The following BCAS1 variants were observed in gnomAD, a reference collection of about 807,000 sequenced individuals.
BCAS1 encodes the protein breast carcinoma-amplified sequence 1.
BCAS1 carries 46 observed loss-of-function variants against 65.4 expected under a neutral mutation model. That is an observed-to-expected ratio of 0.70 (90% confidence interval 0.55 to 0.90). The LOEUF (loss-of-function observed/expected upper bound fraction) is 0.90. Among genes scored for constraint, BCAS1 ranks in the 40% least tolerant of loss-of-function variants. The pLI is 0.00. For missense variants in BCAS1, 793 were observed against 771.2 expected, an observed-to-expected ratio of 1.03 and a Z score of -0.33; for synonymous variants, 298 against 293.5, an observed-to-expected ratio of 1.02 and a Z score of -0.16.
chr20:54,066,295 A>G (rs926953202), intron 1 of BCAS1, among the ~76,000 whole-genome samples: 44 of 152,164 alleles, frequency 2.9e-4, no homozygotes, highest in Middle Eastern at 3.4e-3. Context: ...GATGGTCTCG[A>G]TCTCCTGACC....
intron 1 of BCAS1, among the ~76,000 whole-genome samples, chr20:54,068,013 G>A (rs2092466015): frequency 6.6e-6 from 1 of 152,218 alleles, no homozygotes; most frequent in Non-Finnish European, 1.5e-5. Context: ...AGCTCCATGT[G>A]TGTGCCCGCA....
intron 3 of BCAS1, among the ~76,000 whole-genome samples, chr20:54,055,168 AC>A (rs2092277929): frequency 1.3e-5 from 2 of 152,152 alleles, no homozygotes; most frequent in South Asian, 4.1e-4. Flanking sequence ...AAAACAAACA[AC>A]CCGATTAAAA....
chr20:54,068,149 G>C (rs971992504), intron 1 of BCAS1, among the ~76,000 whole-genome samples: 1 of 152,200 alleles, frequency 6.6e-6, no homozygotes, highest in Non-Finnish European at 1.5e-5. Flanking sequence ...CCTGATTCCT[G>C]GTATGGGACT....
chr20:54,029,308 G>A, intron 3 of BCAS1: 2 of 847,290 alleles, frequency 2.4e-6, no homozygotes, highest in Non-Finnish European at 1.4e-6. Context: ...CAACTGGGAG[G>A]CAGTACAGCA....
chr20:53,975,413 T>A lies in BCAS1; in HGVS notation c.1293A>T (p.Ser431=), dbSNP rs1222396589. ...CATTCTCCTCCGCACCTGTGGGGAC[T>A]GAGTCCTCTTTAACTGACTAAAGGA... ...LFWKKSVKED[S]VPTGAEENVV... Residue 431 remains serine (S), a synonymous_variant, in exon 9 of 13, where the codon TCA becomes TCT. Coordinates refer to ENST00000688948, the MANE Select transcript of BCAS1 (RefSeq NM_001366298.2). 1 of 1,612,328 alleles carries A rather than the reference T, an allele frequency of 6.2e-7. No homozygotes were observed. Among genetic ancestry groups the A allele is most frequent in the Non-Finnish European group, 8.5e-7 (1 of 1,178,838 alleles).
chr20:54,027,603 C>T (rs1285864277), intron 4 of BCAS1, among the ~76,000 whole-genome samples: 1 of 152,100 alleles, frequency 6.6e-6, no homozygotes, highest in Non-Finnish European at 1.5e-5. Flanking sequence ...ATGCCCTAAA[C>T]CTATAATGTA....
chr20:54,066,160 T>C (rs552984069), intron 1 of BCAS1, among the ~76,000 whole-genome samples: 29 of 151,678 alleles, frequency 1.9e-4, no homozygotes, highest in Admixed American at 2.6e-4. Context: ...GCAAGCTCCG[T>C]CTCCCGGGTT....
chr20:54,049,891 T>A (rs2092180148), intron 3 of BCAS1, among the ~76,000 whole-genome samples: 1 of 152,234 alleles, frequency 6.6e-6, no homozygotes, highest in Non-Finnish European at 1.5e-5. Flanking sequence ...AAACCTATGC[T>A]TGGGTCTGTT....
intron 2 of BCAS1, among the ~76,000 whole-genome samples, 156 bp from the exon 3 acceptor site, chr20:54,058,310 G>A (rs151272663): frequency 2.0e-5 from 3 of 152,232 alleles, no homozygotes; most frequent in East Asian, 3.9e-4. Flanking sequence ...ATCATGCCTT[G>A]GAGAACCAAA....
chr20:54,036,086 A>G (rs1299594118), intron 3 of BCAS1, among the ~76,000 whole-genome samples: 1 of 151,046 alleles, frequency 6.6e-6, no homozygotes, highest in Non-Finnish European at 1.5e-5. Flanking sequence ...GAGGATCAGG[A>G]AAAATAATTA....
intron 4 of BCAS1, among the ~76,000 whole-genome samples, chr20:54,005,566 G>A (rs1489476173): frequency 6.6e-6 from 1 of 152,126 alleles, no homozygotes; most frequent in Non-Finnish European, 1.5e-5. Context: ...GAATCACCTG[G>A]GCAGCTTTTT....
At position 53,950,983 on chromosome 20, in the gene BCAS1, A is replaced by G. The variant is rs78568724; in HGVS notation, c.1815+2449T>C. 3.3e-3 allele frequency among the ~76,000 whole-genome samples: 497 copies of G among 152,362 alleles called. 14 individuals carry two copies. The East Asian group carries it at 0.073, about 22-fold the overall frequency. ...TGGTCTAGCTCACTGCCAGGATTCT[A>G]AATATTCTACAAATATTTGTTAAGT... is the stretch of plus-strand genomic sequence containing the variant. On this transcript the variant is annotated intron_variant, in intron 12 of 12. Coordinates refer to ENST00000688948, the MANE Select transcript of BCAS1 (RefSeq NM_001366298.2).
chr20:54,011,015 T>G (rs1338965735), intron 4 of BCAS1, among the ~76,000 whole-genome samples: 1 of 152,116 alleles, frequency 6.6e-6, no homozygotes, highest in African/African-American at 2.4e-5. Context: ...GCTAGAGCAA[T>G]TTGACATCTA....
chr20:54,007,493 C>T (rs1028721847), intron 4 of BCAS1, among the ~76,000 whole-genome samples: 1 of 152,192 alleles, frequency 6.6e-6, no homozygotes, highest in African/African-American at 2.4e-5. Context: ...AACACAGGAG[C>T]CCGCTGCCTT....
intron 3 of BCAS1, among the ~76,000 whole-genome samples, chr20:54,036,039 C>T (rs1190486164): frequency 1.3e-5 from 2 of 151,082 alleles, no homozygotes; most frequent in Non-Finnish European, 3.0e-5. Flanking sequence ...ACAACACACA[C>T]TGGGGCCTAT....
intron 12 of BCAS1, among the ~76,000 whole-genome samples, chr20:53,952,640 T>TA (rs1395631225): frequency 6.6e-6 from 1 of 152,170 alleles, no homozygotes; most frequent in African/African-American, 2.4e-5. Context: ...TTGTAACAAA[T>TA]AGCCATGTTG....
At chr20:54,020,201 C>T (rs979039935) in intron 4 of BCAS1, among the ~76,000 whole-genome samples, 6 of 152,146 alleles carry the variant, frequency 3.9e-5, no homozygotes, top group Non-Finnish European at 2.9e-5. Flanking sequence ...CTATGATTTG[C>T]ACAAGTTACT....
At chr20:53,989,560 C>G (rs532994979) in intron 7 of BCAS1, among the ~76,000 whole-genome samples, 1 of 152,222 alleles carries the variant, frequency 6.6e-6, no homozygotes, top group South Asian at 2.1e-4. Flanking sequence ...CACACAAGAT[C>G]CTGTCATGCC....
At chr20:53,972,090 C>T (rs540464302) in intron 9 of BCAS1, among the ~76,000 whole-genome samples, 7 of 151,942 alleles carry the variant, frequency 4.6e-5, no homozygotes, top group South Asian at 2.1e-4. Flanking sequence ...GCCTTGCATC[C>T]GTTGATAGAT....
Sources: allele counts gnomAD v4.1 joint callset (sites outside exome capture counted in the v4.1 genomes callset), GRCh38; gene constraint gnomAD v4.1.1; transcripts MANE v1.5; gene names NCBI Gene and HGNC (gene_info 2026-07-23, HGNC 2026-07-21).